The following TRPS1 variants were observed in gnomAD, a reference collection of about 807,000 sequenced individuals.
TRPS1 encodes zinc finger transcription factor Trps1.
A neutral mutation model predicts 101.2 loss-of-function variants in TRPS1; 6 were observed. The ratio of observed to expected loss-of-function variants is 0.06; its 90% CI spans 0.03 to 0.12. The LOEUF is 0.12. TRPS1 is among the 10% of genes least tolerant of loss of function. The pLI, the probability that TRPS1 is intolerant of heterozygous loss-of-function variation, is 1.00. For synonymous variants in TRPS1, 578 were observed against 589.8 expected (o/e 0.98, Z 0.29); for missense variants, 1,363 against 1,567.0 (o/e 0.87, Z 2.20).
At chr8:115,447,954 T>A (rs1413004942) in intron 5 of TRPS1, among the ~76,000 whole-genome samples, 1 of 152,190 alleles carries the variant, frequency 6.6e-6, no homozygotes, top group Non-Finnish European at 1.5e-5. Flanking sequence ...CATTTTATGC[T>A]TGCTTAGTAA....
intron 5 of TRPS1, among the ~76,000 whole-genome samples, chr8:115,571,563 C>G (rs1204907805): frequency 6.6e-6 from 1 of 152,064 alleles, no homozygotes; most frequent in Non-Finnish European, 1.5e-5. Flanking sequence ...AAGCAGAATG[C>G]TTTTAAAATG....
chr8:115,603,121 A>G (rs1358193469), intron 4 of TRPS1, among the ~76,000 whole-genome samples: 1 of 152,178 alleles, frequency 6.6e-6, no homozygotes, highest in Non-Finnish European at 1.5e-5. Flanking sequence ...TAATTAAAGA[A>G]TGAATGCATA....
chr8:115,518,419 T>C (rs1182406972), intron 5 of TRPS1, among the ~76,000 whole-genome samples: 1 of 151,824 alleles, frequency 6.6e-6, no homozygotes, highest in East Asian at 1.9e-4. Flanking sequence ...AAAAAGATTA[T>C]AGAGATTATC....
chr8:115,469,402 T>C (rs1189922987), intron 5 of TRPS1, among the ~76,000 whole-genome samples: 1 of 152,218 alleles, frequency 6.6e-6, no homozygotes, highest in Non-Finnish European at 1.5e-5. Context: ...GGAATTTTTT[T>C]TTGAGCTATG....
intron 5 of TRPS1, among the ~76,000 whole-genome samples, chr8:115,425,572 GGGAGCT>G (rs775976509): frequency 2.0e-5 from 3 of 152,174 alleles, no homozygotes; most frequent in Non-Finnish European, 4.4e-5. Flanking sequence ...TCGCCACATA[GGGAGCT>G]ACCCGATATA....
At chr8:115,487,932 G>C (rs973316839) in intron 5 of TRPS1, among the ~76,000 whole-genome samples, 1 of 152,174 alleles carries the variant, frequency 6.6e-6, no homozygotes, top group Non-Finnish European at 1.5e-5. Flanking sequence ...CTCCAATTTT[G>C]AATGAAGTTC....
At chr8:115,570,000 AGAAAT>A (rs1563611081) in intron 5 of TRPS1, among the ~76,000 whole-genome samples, 1 of 152,136 alleles carries the variant, frequency 6.6e-6, no homozygotes, top group Non-Finnish European at 1.5e-5. Context: ...TTTAAAACCT[AGAAAT>A]GCACTGGCAG....
intron 5 of TRPS1, among the ~76,000 whole-genome samples, chr8:115,424,349 C>T (rs1355616020): frequency 6.6e-6 from 1 of 152,182 alleles, no homozygotes; most frequent in African/African-American, 2.4e-5. Flanking sequence ...AGCAAAGCTT[C>T]TGGTACGATT....
chr8:115,442,779 T>G (rs1200350999), intron 5 of TRPS1, among the ~76,000 whole-genome samples: 1 of 150,650 alleles, frequency 6.6e-6, no homozygotes, highest in Non-Finnish European at 1.5e-5. Context: ...CTGACCAACA[T>G]GGTGAAACCC....
At chr8:115,575,301 A>C (rs1440577223) in intron 5 of TRPS1, among the ~76,000 whole-genome samples, 1 of 152,162 alleles carries the variant, frequency 6.6e-6, no homozygotes. Context: ...GTAGCAGAAT[A>C]TACGCTGCTA....
chr8:115,558,922 G>A (rs572622880), intron 5 of TRPS1, among the ~76,000 whole-genome samples: 1 of 152,154 alleles, frequency 6.6e-6, no homozygotes, highest in African/African-American at 2.4e-5. Context: ...TTACAAAGAT[G>A]CTATACCTAA....
intron 5 of TRPS1, among the ~76,000 whole-genome samples, chr8:115,421,201 T>A (rs768988100): frequency 1.7e-4 from 26 of 152,028 alleles, no homozygotes; most frequent in Non-Finnish European, 2.6e-4. Context: ...GTCAGGCTGG[T>A]CTCAAACTCC....
intron 5 of TRPS1, among the ~76,000 whole-genome samples, chr8:115,479,864 T>C (rs550362794): frequency 6.6e-6 from 1 of 152,238 alleles, no homozygotes; most frequent in Admixed American, 6.5e-5. Flanking sequence ...TCCACATCAT[T>C]TGATCACAGC....
Position 115,604,060 on chromosome 8 carries a change from G to A in TRPS1, c.1909C>T (p.Pro637Ser). Residue 637 changes from proline to serine, a missense_variant, in exon 4 of 7, where the codon CCT (proline) becomes TCT (serine). This residue lies in a region of TRPS1 where 1,020 missense variants were observed against 1,073.0 expected (regional missense o/e 0.95). Coordinates refer to ENST00000395715, the MANE Select transcript of TRPS1 (RefSeq NM_014112.5). This position sits in a 1 kb window ranked among gnomAD's most constrained non-coding sequence, Gnocchi z 4.1. ...TGAAAGAGGAGTACATCTACGTCAG[G>A]GGTGGTGAATGAACACTGATGGCAC... ...HQCHQCSFTT[P>S]DVDVLLFHYE... 2 of 1,613,994 alleles carry A rather than the reference G, an allele frequency of 1.2e-6. No individual in the cohort carries two copies. Among genetic ancestry groups the A allele is most frequent in the Non-Finnish European group, 8.5e-7 (1 of 1,179,978 alleles).
intron 1 of TRPS1, among the ~76,000 whole-genome samples, chr8:115,649,542 A>G (rs557540362): frequency 7.0e-4 from 106 of 152,210 alleles, no homozygotes; most frequent in Non-Finnish European, 1.4e-3. Flanking sequence ...CTGCTCAACC[A>G]GTGTGAATCA....
intron 3 of TRPS1, among the ~76,000 whole-genome samples, chr8:115,615,473 A>T (rs1239598312): frequency 6.6e-6 from 1 of 152,248 alleles, no homozygotes; most frequent in African/African-American, 2.4e-5. Flanking sequence ...AAAGCAGATT[A>T]AAAAGAAAGA....
At chr8:115,462,108 T>C (rs1276121341) in intron 5 of TRPS1, among the ~76,000 whole-genome samples, 1 of 152,154 alleles carries the variant, frequency 6.6e-6, no homozygotes, top group Non-Finnish European at 1.5e-5. Flanking sequence ...TGAATGAAAT[T>C]CATAATGAAG....
At chr8:115,445,564 T>C (rs898882953) in intron 5 of TRPS1, among the ~76,000 whole-genome samples, 8 of 152,220 alleles carry the variant, frequency 5.3e-5, no homozygotes, top group African/African-American at 1.4e-4. Flanking sequence ...TGTTTGTTAC[T>C]GTATGAGATC....
intron 5 of TRPS1, among the ~76,000 whole-genome samples, chr8:115,542,663 T>C (rs531836004): frequency 1.3e-5 from 2 of 152,276 alleles, no homozygotes; most frequent in African/African-American, 4.8e-5. Context: ...CTTCCTCCTA[T>C]GGCCCATGGC....
Sources: allele counts gnomAD v4.1 joint callset (sites outside exome capture counted in the v4.1 genomes callset), GRCh38; gene constraint gnomAD v4.1.1; regional missense constraint gnomAD v4.1.1; non-coding constraint Gnocchi (gnomAD v3.1); transcripts MANE v1.5; gene names NCBI Gene and HGNC (gene_info 2026-07-23, HGNC 2026-07-21).